CTNNA2: variants seen among roughly 807,000 people sequenced by gnomAD.
CTNNA2 encodes the protein catenin alpha-2.
In CTNNA2, 42 loss-of-function variants were observed where a neutral mutation model predicts 101.0. That is an observed-to-expected ratio of 0.42 (90% CI 0.32 to 0.54). The LOEUF is 0.54. Among genes scored for constraint, CTNNA2 ranks in the 20% least tolerant of loss-of-function variants. The pLI, the probability that CTNNA2 is intolerant of heterozygous loss-of-function variation, is 0.14. For synonymous variants in CTNNA2, 450 were observed against 456.4 expected, an observed-to-expected ratio of 0.99 and a Z score of 0.18; for missense variants, 871 against 1,223.1, an observed-to-expected ratio of 0.71 and a Z score of 4.29.
At chr2:80,377,770 C>G (rs899281438) in intron 7 of CTNNA2, among the ~76,000 whole-genome samples, 1 of 152,190 alleles carries the variant, frequency 6.6e-6, no homozygotes, top group Non-Finnish European at 1.5e-5. Flanking sequence ...TCCATGGCGA[C>G]ACATGGCCGG....
intron 5 of CTNNA2, 78 bp from the exon 6 acceptor site, chr2:79,873,998 C>A: frequency 6.4e-7 from 1 of 1,557,180 alleles, no homozygotes; most frequent in Non-Finnish European, 8.7e-7. Flanking sequence ...TACTAAGAGT[C>A]TGTGACTCCA....
chr2:79,442,663 A>T (rs564797004), intron 4 of CTNNA2, among the ~76,000 whole-genome samples: 1 of 152,158 alleles, frequency 6.6e-6, no homozygotes, highest in Non-Finnish European at 1.5e-5. Context: ...AAAATCACCA[A>T]TTCCTTTCTT....
intron 7 of CTNNA2, among the ~76,000 whole-genome samples, chr2:79,986,343 C>T (rs987372819): frequency 1.3e-5 from 2 of 152,148 alleles, no homozygotes; most frequent in Non-Finnish European, 2.9e-5. Flanking sequence ...GTAACCATCA[C>T]TTGCCCATCC....
rs62141437 is a variant in CTNNA2 at position 79,503,988 on chromosome 2, C to G, written c.-134-1066C>G. Among the ~76,000 whole-genome samples the G allele has an allele frequency of 2.4e-3, 371 of 152,174 alleles. 2 individuals carry two copies. Among genetic ancestry groups the G allele is most frequent in the Non-Finnish European group, 3.0e-3 (202 of 68,006 alleles). The stretch of plus-strand genomic sequence containing the variant: ...AATGAAGGAGGTTTCCTGAAGCGCT[C>G]TAAAGTTCAATGGGAATAATTGTTA... On this transcript the variant is annotated intron_variant, in intron 4 of 21. Transcript: ENST00000466387.
intron 6 of CTNNA2, among the ~76,000 whole-genome samples, chr2:79,904,551 A>G (rs530874682): frequency 1.3e-5 from 2 of 152,348 alleles, no homozygotes; most frequent in South Asian, 2.1e-4. Context: ...TTGAAGGAAC[A>G]CTGGGCTTGA....
intron 7 of CTNNA2, among the ~76,000 whole-genome samples, chr2:80,117,627 C>G (rs1045947122): frequency 6.6e-6 from 1 of 152,138 alleles, no homozygotes; most frequent in Non-Finnish European, 1.5e-5. Flanking sequence ...TGTGAAGTCA[C>G]AGCTGGCTTT....
At chr2:80,126,609 T>A (rs1246538574) in intron 7 of CTNNA2, among the ~76,000 whole-genome samples, 1 of 25,852 alleles carries the variant, frequency 3.9e-5, no homozygotes. Flanking sequence ...CCTCCCTCCC[T>A]CCCTCCCTCC....
chr2:79,452,061 G>A (rs987256842), intron 4 of CTNNA2, among the ~76,000 whole-genome samples: 2 of 152,056 alleles, frequency 1.3e-5, no homozygotes, highest in African/African-American at 4.8e-5. Context: ...CACTGTCAGA[G>A]TGTTTAAACA....
intron 2 of CTNNA2, among the ~76,000 whole-genome samples, chr2:79,286,318 C>T (rs1241357773): frequency 6.6e-6 from 1 of 152,132 alleles, no homozygotes; most frequent in Admixed American, 6.6e-5. Flanking sequence ...GGTTATTTTG[C>T]TCGTTAGTTC....
At chr2:80,155,941 A>G (rs1209218005) in intron 7 of CTNNA2, among the ~76,000 whole-genome samples, 2 of 152,184 alleles carry the variant, frequency 1.3e-5, no homozygotes, top group African/African-American at 2.4e-5. Context: ...GCCTTCTGTT[A>G]TCCATTGCTC....
At chr2:80,493,376 C>T (rs1021570566) in intron 9 of CTNNA2, among the ~76,000 whole-genome samples, 1 of 152,178 alleles carries the variant, frequency 6.6e-6, no homozygotes, top group Non-Finnish European at 1.5e-5. Context: ...TCTCTAAATA[C>T]AACCCAGGGT....
At chr2:79,933,311 T>C (rs1177417671) in intron 7 of CTNNA2, among the ~76,000 whole-genome samples, 1 of 152,186 alleles carries the variant, frequency 6.6e-6, no homozygotes, top group African/African-American at 2.4e-5. Flanking sequence ...GGCTATCATA[T>C]TGAACCTTTC....
In CTNNA2 at chr2:80,005,797, G is replaced by A. The variant is rs142196799; in HGVS notation, c.1056+96000G>A. The stretch of plus-strand genomic sequence containing the variant: ...TGTTTTTTTTTTTTAAACAAGCACA[G>A]CTAAAGAATGAGGACATTTTCATAT... On this transcript the variant is annotated intron_variant, in intron 7 of 18. Transcript: ENST00000402739. 2.6e-3 allele frequency among the ~76,000 whole-genome samples: 396 copies of A among 150,192 alleles called. 1 individual carries two copies. Among genetic ancestry groups the A allele is most frequent in the African/African-American group, 9.2e-3 (375 of 40,928 alleles).
intron 7 of CTNNA2, among the ~76,000 whole-genome samples, chr2:80,193,088 G>C (rs1706621433): frequency 6.6e-6 from 1 of 152,104 alleles, no homozygotes; most frequent in Non-Finnish European, 1.5e-5. Flanking sequence ...TTGTTTATAT[G>C]CTTTCATATT....
chr2:80,137,921 C>A (rs1702787924), intron 7 of CTNNA2, among the ~76,000 whole-genome samples: 1 of 152,086 alleles, frequency 6.6e-6, no homozygotes, highest in South Asian at 2.1e-4. Context: ...CCCACCCCAG[C>A]ATGGCTTCAT....
chr2:79,822,894 A>G (rs1384729462), intron 3 of CTNNA2, among the ~76,000 whole-genome samples: 1 of 152,046 alleles, frequency 6.6e-6, no homozygotes, highest in African/African-American at 2.4e-5. Flanking sequence ...CACATTTCAT[A>G]CCCCACTTGC....
chr2:80,475,897 G>A (rs916096646), intron 9 of CTNNA2, among the ~76,000 whole-genome samples: 2 of 151,852 alleles, frequency 1.3e-5, no homozygotes, highest in Non-Finnish European at 2.9e-5. Flanking sequence ...AAAAATAATG[G>A]CTTGTGCTTT....
chr2:80,093,175 C>T (rs1313826081), intron 7 of CTNNA2, among the ~76,000 whole-genome samples: 1 of 151,924 alleles, frequency 6.6e-6, no homozygotes, highest in African/African-American at 2.4e-5. Context: ...CCACAACAGT[C>T]CCTGGTGTGT....
intron 7 of CTNNA2, among the ~76,000 whole-genome samples, chr2:79,930,267 A>AG (rs1687304898): frequency 2.4e-4 from 3 of 12,432 alleles, no homozygotes; most frequent in Middle Eastern, 0.045. Flanking sequence ...AGAAAGAAAG[A>AG]AAGAAAGAAA....
Sources: gnomAD v4.1 joint callset for allele counts (sites outside exome capture counted in the v4.1 genomes callset) on GRCh38, gnomAD v4.1.1 for gene constraint, MANE v1.5 for transcripts, NCBI Gene and HGNC (gene_info 2026-07-23, HGNC 2026-07-21) for gene names.